VWF: variants seen among roughly 807,000 people sequenced by gnomAD.
VWF encodes Factor VIII related antigen.
In VWF, 176 loss-of-function variants were observed where a neutral mutation model predicts 308.6. That is an observed-to-expected ratio of 0.57 (90% confidence interval 0.50 to 0.65). The LOEUF (loss-of-function observed/expected upper bound fraction) is 0.65. VWF is among the 30% of genes least tolerant of loss of function. VWF has a pLI of 0.00. For synonymous variants in VWF, 1,385 were observed against 1,443.4 expected, an observed-to-expected ratio of 0.96 and a Z score of 0.92; for missense variants, 3,146 against 3,648.2, an observed-to-expected ratio of 0.86 and a Z score of 3.55.
At chr12:6,078,542 T>C (rs1036438381) in intron 6 of VWF, among the ~76,000 whole-genome samples, 2 of 152,212 alleles carry the variant, frequency 1.3e-5, no homozygotes, top group South Asian at 2.1e-4. Flanking sequence ...GTCTAGCCTT[T>C]TCCCCACCCA....
At chr12:5,956,158 G>A (rs10774388) in intron 47 of VWF, among the ~76,000 whole-genome samples, 31,456 of 152,136 alleles carry the variant, frequency 0.21, 4,945 homozygotes, top group African/African-American at 0.44. Context: ...TGATGCAGGT[G>A]TAAACAAACC....
At chr12:5,968,327 ACTGCT>A in intron 45 of VWF, 160 bp from the exon 46 acceptor site, 1 of 776,408 alleles carries the variant, frequency 1.3e-6, no homozygotes, top group Non-Finnish European at 2.0e-6. Context: ...TGGGGGTCCT[ACTGCT>A]GGAGCCCACA....
intron 17 of VWF, among the ~76,000 whole-genome samples, chr12:6,044,976 C>T (rs1439714670): frequency 6.6e-6 from 1 of 152,184 alleles, no homozygotes; most frequent in Non-Finnish European, 1.5e-5. Flanking sequence ...TCCCTGGACA[C>T]TCCAATCTCC....
Position 6,023,728 on chromosome 12 carries a change from A to T in VWF, c.3282T>A (p.Ile1094=). 6.2e-7 allele frequency: 1 copy of T among 1,613,838 alleles called. No homozygotes were observed. The highest frequency in any genetic ancestry group is 2.2e-5 in the East Asian group (1 of 44,886). Residue 1094 remains isoleucine (I), a synonymous_variant, in exon 25 of 52, where the codon ATT becomes ATA. Coordinates refer to ENST00000261405, the MANE Select transcript of VWF (RefSeq NM_000552.5). ...TGTCGCAGAAGCAGGCGCAGTCCCC[A>T]ATGGACTCACAGGAGCAGGTGTCGT... ...CIYDTCSCES[I]GDCACFCDTI... is the part of the protein sequence containing the mutation.
chr12:5,966,350 T>TC (rs1943404363), intron 47 of VWF, among the ~76,000 whole-genome samples: 1 of 152,146 alleles, frequency 6.6e-6, no homozygotes, highest in Non-Finnish European at 1.5e-5. Context: ...ACTGGGATTT[T>TC]TAAAAAATAA....
chr12:6,041,061 T>C (rs1489417810), intron 18 of VWF, among the ~76,000 whole-genome samples: 1 of 152,160 alleles, frequency 6.6e-6, no homozygotes, highest in Non-Finnish European at 1.5e-5. Flanking sequence ...GGCAGAGTCA[T>C]GTTATGTCTG....
chr12:5,952,076 T>G (rs1187518266), intron 49 of VWF, among the ~76,000 whole-genome samples, 193 bp from the exon 50 acceptor site: 3 of 152,226 alleles, frequency 2.0e-5, no homozygotes, highest in African/African-American at 2.4e-5. Flanking sequence ...ATTTTGATGA[T>G]TCTGAATTCT....
chr12:6,080,070 C>A (rs1006737030), intron 6 of VWF, among the ~76,000 whole-genome samples: 32 of 152,270 alleles, frequency 2.1e-4, no homozygotes, highest in African/African-American at 7.7e-4. Flanking sequence ...AGATCAAGAG[C>A]CTCCTTTTCC....
intron 5 of VWF, among the ~76,000 whole-genome samples, chr12:6,100,970 G>A (rs1945155807): frequency 6.6e-6 from 1 of 151,682 alleles, no homozygotes; most frequent in Non-Finnish European, 1.5e-5. Context: ...CTATATAAAG[G>A]TTATAAAACA....
chr12:6,095,890 C>T, intron 5 of VWF: 1 of 389,268 alleles, frequency 2.6e-6, no homozygotes, highest in Non-Finnish European at 4.9e-6. Context: ...CTCTGCAGCC[C>T]AGAACACCTG....
chr12:6,028,004 G>A (rs1407793495), intron 22 of VWF, among the ~76,000 whole-genome samples: 1 of 152,170 alleles, frequency 6.6e-6, no homozygotes, highest in East Asian at 1.9e-4. Context: ...TGCTTTCTGG[G>A]ACTGAGATGG....
rs1591838690 is a variant in VWF, at chr12:5,975,975, C to T, written c.7437+136G>A. On this transcript the variant is annotated intron_variant, in intron 43 of 51. Transcript: ENST00000261405. Reference sequence around the variant, plus strand: ...AGCTTGCAGTGAGCCGAGATTGTGCCACTGCACTCCAGCCTGGGCGACAGA... The same window carrying T: ...AGCTTGCAGTGAGCCGAGATTGTGCTACTGCACTCCAGCCTGGGCGACAGA... 9 of 1,278,486 alleles carry T rather than the reference C, an allele frequency of 7.0e-6. No homozygotes were observed. The East Asian group carries it at 2.3e-4, about 32-fold the overall frequency. 79.2% of individuals were successfully genotyped at this position (1,278,486 alleles called of 1,614,324 possible). A position where few individuals can be genotyped will look rare whatever the true frequency, so the allele number is the denominator to read the frequency against.
At chr12:6,001,522 A>C (rs1591852743) in intron 34 of VWF, among the ~76,000 whole-genome samples, 1 of 152,240 alleles carries the variant, frequency 6.6e-6, no homozygotes, top group Non-Finnish European at 1.5e-5. Context: ...TAATAAGAGC[A>C]TTCTGAACAG....
Position 6,057,912 on chromosome 12 carries a change from G to A in VWF, c.1666C>T (p.His556Tyr), listed in dbSNP as rs1759805548. ...VEDFGNAWKL[H>Y]GDCQDLQKQH... is the part of the protein sequence containing the mutation. ...TTCTGCAGGTCCTGGCAGTCCCCGT[G>A]CAGCTTCCAGGCGTTCCCGAAGTCC... is the stretch of plus-strand genomic sequence containing the variant. Residue 556 changes from histidine to tyrosine, a missense_variant, in exon 14 of 52, where the codon CAC (histidine) becomes TAC (tyrosine). His to Tyr is a moderately conservative substitution (Grantham distance 83, BLOSUM62 2). Transcript: ENST00000261405. The A allele has an allele frequency of 1.2e-6, 2 of 1,613,206 alleles. No individual in the cohort carries two copies. The highest frequency in any genetic ancestry group is 1.7e-5 in the Admixed American group (1 of 59,986).
At chr12:5,996,325 G>A in intron 34 of VWF, 103 bp from the exon 35 acceptor site, 1 of 1,063,224 alleles carries the variant, frequency 9.4e-7, no homozygotes, top group Non-Finnish European at 1.4e-6. Flanking sequence ...GATAAATACA[G>A]TAGAGAATGG....
intron 16 of VWF, among the ~76,000 whole-genome samples, chr12:6,051,657 TA>T (rs1944514839): frequency 1.3e-5 from 2 of 152,210 alleles, no homozygotes; most frequent in Non-Finnish European, 2.9e-5. Context: ...TCGCCCGGGC[TA>T]GAATGCAGTG....
At chr12:6,043,957 G>A (rs140736755) in intron 18 of VWF, among the ~76,000 whole-genome samples, 4 of 152,270 alleles carry the variant, frequency 2.6e-5, no homozygotes, top group African/African-American at 9.6e-5. Context: ...GGCGGCCCCT[G>A]GGAAAATTCT....
At chr12:5,971,767 T>G in intron 43 of VWF, 58 bp from the exon 44 acceptor site, 19 of 1,440,120 alleles carry the variant, frequency 1.3e-5, no homozygotes, top group Non-Finnish European at 1.7e-5. Flanking sequence ...ACAGGGGCTC[T>G]TACCTACGCC....
chr12:5,979,624 C>G (rs929825701), intron 42 of VWF, among the ~76,000 whole-genome samples: 13 of 151,742 alleles, frequency 8.6e-5, no homozygotes, highest in African/African-American at 3.2e-4. Context: ...GTGGTGTGCG[C>G]CTGCAATCCC....
Sources: allele counts gnomAD v4.1 joint callset (sites outside exome capture counted in the v4.1 genomes callset), GRCh38; gene constraint gnomAD v4.1.1; transcripts MANE v1.5; gene names NCBI Gene and HGNC (gene_info 2026-07-23, HGNC 2026-07-21).